Variants in BCAP31 observed in about 807,000 individuals in gnomAD.
BCAP31 encodes B cell receptor associated protein 31.
For missense variants in BCAP31, 124 were observed against 193.0 expected (o/e 0.64, Z 2.12); for synonymous variants, 75 against 80.9 (o/e 0.93, Z 0.39).
chrX:153,704,099 A>G lies in BCAP31; in HGVS notation c.342-5T>C, dbSNP rs1480313570. Reference sequence around the variant, plus strand: ...GTCACCAGGCGTCTAAGCAGGCTGCAATTATTTACAAAAAGAAGGGAGAAG... The same window carrying G: ...GTCACCAGGCGTCTAAGCAGGCTGCGATTATTTACAAAAAGAAGGGAGAAG... On this transcript the variant is annotated splice_region_variant and splice_polypyrimidine_tract_variant and intron_variant, in intron 4 of 7. Transcript: ENST00000345046. 7 of 1,202,963 alleles carry G rather than the reference A, an allele frequency of 5.8e-6. No individual in the cohort carries two copies. The African/African-American group carries it at 1.2e-4, about 21-fold the overall frequency.
At chrX:153,710,583 A>G (rs1320573247) in intron 4 of BCAP31, among the ~76,000 whole-genome samples, 1 of 112,020 alleles carries the variant, frequency 8.9e-6, no homozygotes, top group East Asian at 2.8e-4. Flanking sequence ...AAAAGCTCAG[A>G]AGGCTTTGGC....
chrX:153,713,940 T>A (rs1217047105), intron 4 of BCAP31, among the ~76,000 whole-genome samples: 1 of 94,497 alleles, frequency 1.1e-5, no homozygotes, highest in Non-Finnish European at 2.1e-5. Context: ...AGTGGTGTGA[T>A]CTCGGCTCAC....
At chrX:153,719,519 T>A (rs1193093746) in intron 3 of BCAP31, among the ~76,000 whole-genome samples, 2 of 112,016 alleles carry the variant, frequency 1.8e-5, no homozygotes, top group Non-Finnish European at 3.8e-5. Flanking sequence ...AGCCTGAACA[T>A]ATCCTATCAG....
intron 1 of BCAP31, chrX:153,723,759 C>T: frequency 9.8e-7 from 1 of 1,023,611 alleles, no homozygotes; most frequent in Non-Finnish European, 1.3e-6. Context: ...AAGGCCGCAC[C>T]TAGTCCAAGC....
At chrX:153,709,158 G>A (rs1178195584) in intron 4 of BCAP31, among the ~76,000 whole-genome samples, 1 of 111,493 alleles carries the variant, frequency 9.0e-6, no homozygotes, top group East Asian at 3.1e-4. Flanking sequence ...GGAGGGTAGA[G>A]AGCAACCGAC....
At position 153,708,567 on chromosome X, in the gene BCAP31, C is replaced by T. The variant is rs182702115; in HGVS notation, c.342-4473G>A. ...GTCCCAGCGCCACCTGCTGACTTTC[C>T]AGGCCTACCGCAGGGTGGCCAGTGG... is the stretch of plus-strand genomic sequence containing the variant. On this transcript the variant is annotated intron_variant, in intron 4 of 7. Transcript: ENST00000345046. 2.4e-3 allele frequency among the ~76,000 whole-genome samples: 273 copies of T among 113,120 alleles called. 2 individuals are homozygous for T. Among genetic ancestry groups the T allele is most frequent in the Non-Finnish European group, 4.4e-3 (234 of 53,371 alleles).
intron 7 of BCAP31, among the ~76,000 whole-genome samples, chrX:153,701,638 T>C (rs146609132): frequency 0.053 from 5,954 of 112,336 alleles, 373 homozygotes; most frequent in African/African-American, 0.18. Context: ...CCAGGGATCT[T>C]TGCCCTACGT....
chrX:153,701,019 C>T (rs2148369203), intron 7 of BCAP31, 44 bp from the exon 8 acceptor site: 2 of 1,126,219 alleles, frequency 1.8e-6, no homozygotes, highest in East Asian at 6.2e-5. Flanking sequence ...TGGCCGGGTC[C>T]ACTCCTCCCC....
chrX:153,703,371 C>A (rs1184494129), intron 5 of BCAP31, among the ~76,000 whole-genome samples: 1 of 113,370 alleles, frequency 8.8e-6, no homozygotes, highest in Non-Finnish European at 1.9e-5. Context: ...TCAGCAGCTC[C>A]ATGGTGCTCA....
chrX:153,721,435 CAAAAA>C (rs782544895), intron 2 of BCAP31, among the ~76,000 whole-genome samples: 1 of 32,583 alleles, frequency 3.1e-5, no homozygotes, highest in Admixed American at 4.0e-4. Flanking sequence ...GACCTTGTCT[CAAAAA>C]AAAAAAAAAA....
intron 5 of BCAP31, 21 bp downstream of exon 5, chrX:153,703,937 TG>T: frequency 8.3e-7 from 1 of 1,207,272 alleles, no homozygotes; most frequent in Non-Finnish European, 1.1e-6. Context: ...CGCCCCATGG[TG>T]GGTCGGGAAG....
At chrX:153,722,296 C>T (rs1260212762) in intron 2 of BCAP31, among the ~76,000 whole-genome samples, 1 of 112,280 alleles carries the variant, frequency 8.9e-6, no homozygotes, top group African/African-American at 3.2e-5. Context: ...ATTTGGCATT[C>T]GGTAGATAAA....
At chrX:153,706,206 C>T (rs1300261356) in intron 4 of BCAP31, among the ~76,000 whole-genome samples, 2 of 110,395 alleles carry the variant, frequency 1.8e-5, no homozygotes, top group African/African-American at 3.3e-5. Flanking sequence ...CACAGCACCC[C>T]GGGCATACTC....
At chrX:153,708,968 G>C (rs1395860800) in intron 4 of BCAP31, among the ~76,000 whole-genome samples, 1 of 112,055 alleles carries the variant, frequency 8.9e-6, no homozygotes, top group Non-Finnish European at 1.9e-5. Flanking sequence ...TCCAGCCCAC[G>C]ACCCAGATGG....
intron 4 of BCAP31, among the ~76,000 whole-genome samples, chrX:153,714,980 G>A (rs782396226): frequency 2.3e-3 from 262 of 111,511 alleles, no homozygotes; most frequent in Non-Finnish European, 4.2e-3. Flanking sequence ...AGTTTTGCCC[G>A]ACTAGTTACC....
At chrX:153,717,891 T>G (rs56138007) in intron 3 of BCAP31, among the ~76,000 whole-genome samples, 1,521 of 112,739 alleles carry the variant, frequency 0.013, 31 homozygotes, top group African/African-American at 0.047. Flanking sequence ...GTTCAACAAT[T>G]CACCTCTGAA....
intron 3 of BCAP31, among the ~76,000 whole-genome samples, chrX:153,719,369 G>A (rs1264451678): frequency 1.3e-4 from 15 of 111,843 alleles, no homozygotes; most frequent in Admixed American, 3.8e-4. Context: ...TGCTCAGGGC[G>A]AGAACCCTGG....
chrX:153,701,187 ACCTAACG>A (rs1379533681), intron 7 of BCAP31, among the ~76,000 whole-genome samples: 1 of 112,162 alleles, frequency 8.9e-6, no homozygotes, highest in Non-Finnish European at 1.9e-5. Flanking sequence ...AAAGCCCTGG[ACCTAACG>A]CCAGCCAGGG....
chrX:153,708,879 G>A (rs868938923), intron 4 of BCAP31, among the ~76,000 whole-genome samples: 1 of 112,512 alleles, frequency 8.9e-6, no homozygotes, highest in Non-Finnish European at 1.9e-5. Context: ...GCACACAGAC[G>A]CTGGAGAAGA....
Sources: allele counts gnomAD v4.1 joint callset (sites outside exome capture counted in the v4.1 genomes callset), GRCh38; gene constraint gnomAD v4.1.1; transcripts MANE v1.5; gene names NCBI Gene and HGNC (gene_info 2026-07-23, HGNC 2026-07-21).